The following DSCAML1 variants were observed in gnomAD, a reference collection of about 807,000 sequenced individuals.
The protein encoded by DSCAML1 is cell adhesion molecule DSCAML1.
In DSCAML1, 38 loss-of-function variants were observed where a neutral mutation model predicts 200.5. That is an observed-to-expected ratio of 0.19 (90% CI 0.15 to 0.25). The LOEUF is 0.25. DSCAML1 is among the 10% of genes least tolerant of loss of function. DSCAML1 has a pLI of 1.00. For missense variants in DSCAML1, 2,223 were observed against 2,858.8 expected (o/e 0.78, Z 5.07); for synonymous variants, 1,215 against 1,165.0 (o/e 1.04, Z -0.87).
intron 3 of DSCAML1, among the ~76,000 whole-genome samples, chr11:117,660,678 G>T (rs1240965604): frequency 6.6e-6 from 1 of 152,216 alleles, no homozygotes; most frequent in Non-Finnish European, 1.5e-5. Context: ...GGACCCAGCT[G>T]CCGAGAGGGG....
At chr11:117,591,322 C>T (rs979232189) in intron 3 of DSCAML1, among the ~76,000 whole-genome samples, 1 of 152,170 alleles carries the variant, frequency 6.6e-6, no homozygotes, top group African/African-American at 2.4e-5. Context: ...GGCCGGGTTT[C>T]TCACTTAGCC....
At chr11:117,804,129 G>C (rs1591524577) in intron 1 of DSCAML1, among the ~76,000 whole-genome samples, 1 of 152,358 alleles carries the variant, frequency 6.6e-6, no homozygotes, top group East Asian at 1.9e-4. Context: ...CCACCTGCTG[G>C]AGGCCAAAGC....
intron 3 of DSCAML1, among the ~76,000 whole-genome samples, chr11:117,602,678 C>A (rs909232305): frequency 6.6e-6 from 1 of 152,056 alleles, no homozygotes; most frequent in Non-Finnish European, 1.5e-5. Flanking sequence ...CCCTCTCTTT[C>A]GACTCTGCAA....
intron 18 of DSCAML1, among the ~76,000 whole-genome samples, chr11:117,461,176 G>C (rs2048475043): frequency 6.6e-6 from 1 of 151,338 alleles, no homozygotes; most frequent in Non-Finnish European, 1.5e-5. Context: ...CCTCACCAGA[G>C]ATGCCACCCT....
chr11:117,659,422 C>T (rs572408171), intron 3 of DSCAML1, among the ~76,000 whole-genome samples: 28 of 152,306 alleles, frequency 1.8e-4, no homozygotes, highest in Admixed American at 1.4e-3. Context: ...TGATCAAGGG[C>T]GTATAGTTAA....
intron 3 of DSCAML1, among the ~76,000 whole-genome samples, chr11:117,549,486 C>G (rs907394287): frequency 2.5e-4 from 38 of 152,216 alleles, no homozygotes; most frequent in African/African-American, 9.2e-4. Flanking sequence ...ATCAGTGTGA[C>G]CTTGCACAGG....
intron 3 of DSCAML1, among the ~76,000 whole-genome samples, chr11:117,769,583 A>G (rs1334012855): frequency 1.6e-4 from 20 of 126,054 alleles, no homozygotes; most frequent in Admixed American, 6.4e-4. Context: ...TATATTTTTT[A>G]TATATATATA....
chr11:117,752,038 CTGTG>C (rs372303288), intron 3 of DSCAML1, among the ~76,000 whole-genome samples: 1 of 150,570 alleles, frequency 6.6e-6, no homozygotes, highest in Non-Finnish European at 1.5e-5. Flanking sequence ...AACCTCAGCT[CTGTG>C]TGTGTGTGTG....
chr11:117,512,063 G>A (rs1467314874), intron 8 of DSCAML1, among the ~76,000 whole-genome samples: 1 of 152,222 alleles, frequency 6.6e-6, no homozygotes, highest in African/African-American at 2.4e-5. Flanking sequence ...GAGCAGCATG[G>A]GTTTCAGCCC....
At chr11:117,670,344 T>C (rs913847731) in intron 3 of DSCAML1, among the ~76,000 whole-genome samples, 2 of 152,002 alleles carry the variant, frequency 1.3e-5, no homozygotes, top group African/African-American at 2.4e-5. Flanking sequence ...TGAGTTATCA[T>C]TCAGAACGAA....
At chr11:117,757,675 G>A (rs2054719936) in intron 3 of DSCAML1, among the ~76,000 whole-genome samples, 1 of 151,008 alleles carries the variant, frequency 6.6e-6, no homozygotes, top group African/African-American at 2.4e-5. Context: ...AGTTAAAAAT[G>A]CATTAAAAAT....
intron 3 of DSCAML1, among the ~76,000 whole-genome samples, chr11:117,650,564 A>G (rs565013591): frequency 2.5e-4 from 38 of 152,294 alleles, no homozygotes; most frequent in African/African-American, 9.1e-4. Flanking sequence ...AGCCTCTGCC[A>G]GTCTGAACAC....
intron 1 of DSCAML1, among the ~76,000 whole-genome samples, chr11:117,809,944 TAC>T (rs60555777): frequency 0.039 from 5,688 of 144,608 alleles, 272 homozygotes; most frequent in African/African-American, 0.12. Flanking sequence ...CATATTCACA[TAC>T]ACACATTCAC....
chr11:117,719,184 C>T (rs1230760821), intron 3 of DSCAML1, among the ~76,000 whole-genome samples: 1 of 152,196 alleles, frequency 6.6e-6, no homozygotes, highest in Non-Finnish European at 1.5e-5. Context: ...CCTGTAATAC[C>T]AGCACTTTGG....
At chr11:117,665,427 G>C (rs1284539232) in intron 3 of DSCAML1, among the ~76,000 whole-genome samples, 1 of 152,230 alleles carries the variant, frequency 6.6e-6, no homozygotes, top group African/African-American at 2.4e-5. Context: ...TACGCGAGCT[G>C]TGGTCTAAGA....
chr11:117,815,584 G>A (rs1366119315), intron 1 of DSCAML1, among the ~76,000 whole-genome samples: 1 of 152,134 alleles, frequency 6.6e-6, no homozygotes, highest in East Asian at 1.9e-4. Context: ...TTCTTGAAAA[G>A]GGAACCAAGT....
rs763462969 is a variant in DSCAML1 at position 117,437,131 on chromosome 11, A to G, written c.4711T>C (p.Tyr1571His). The G allele has an allele frequency of 3.7e-6, 6 of 1,612,152 alleles. No homozygotes were observed. The highest frequency in any genetic ancestry group is 5.1e-6 in the Non-Finnish European group (6 of 1,178,658). The change falls in exon 26 of 33, where the codon TAC becomes CAC. Residue 1571 changes from tyrosine (Y) to histidine (H), a missense_variant. Physicochemically the swap from Tyr to His is moderately conservative, Grantham distance 83. Coordinates refer to ENST00000651296, the MANE Select transcript of DSCAML1 (RefSeq NM_020693.4). The surrounding 1 kb of genome is among the most constrained non-coding windows in gnomAD (Gnocchi z 5.3). ...NETAQFATLD[Y>H]DGSTIPPIKS... The stretch of plus-strand genomic sequence containing the variant: ...CACCCTTGCGACTCACTGCCATCGT[A>G]GTCCAGGGTGGCGAACTGGGCTGTT...
At chr11:117,451,493 A>C (rs1314085473) in intron 19 of DSCAML1, among the ~76,000 whole-genome samples, 2 of 152,250 alleles carry the variant, frequency 1.3e-5, no homozygotes, top group African/African-American at 4.8e-5. Context: ...AATGGAGATA[A>C]GAACTCTATT....
rs116266654 is a variant in DSCAML1, at chr11:117,637,009, A to G, written c.512-104487T>C. 4.8e-3 allele frequency among the ~76,000 whole-genome samples: 738 copies of G among 152,268 alleles called. 6 individuals are homozygous for G. The highest frequency in any genetic ancestry group is 0.017 in the African/African-American group (696 of 41,532). Reference sequence around the variant, plus strand: ...TGCTGGTTTTTCCATTAGCCGTGTCACAGCTGGTGGGGTCATGCTTTCTCT... The same window carrying G: ...TGCTGGTTTTTCCATTAGCCGTGTCGCAGCTGGTGGGGTCATGCTTTCTCT... On this transcript the variant is annotated intron_variant, in intron 3 of 32. Coordinates refer to ENST00000651296, the MANE Select transcript of DSCAML1 (RefSeq NM_020693.4).
Sources: allele counts gnomAD v4.1 joint callset (sites outside exome capture counted in the v4.1 genomes callset), GRCh38; gene constraint gnomAD v4.1.1; non-coding constraint Gnocchi (gnomAD v3.1); transcripts MANE v1.5; gene names NCBI Gene and HGNC (gene_info 2026-07-23, HGNC 2026-07-21).